Variants in SNED1 observed in about 807,000 individuals in gnomAD.
The protein encoded by SNED1 is sushi, nidogen and EGF like domains 1.
Under a neutral mutation model 166.7 loss-of-function variants are expected in SNED1, and 81 were observed. The ratio of observed to expected loss-of-function variants is 0.49; its 90% confidence interval spans 0.41 to 0.58. SNED1 has a LOEUF of 0.58. SNED1 is among the 20% of genes least tolerant of loss of function. The pLI is 0.00. For synonymous variants in SNED1, 762 were observed against 822.0 expected (o/e 0.93, Z 1.25); for missense variants, 1,604 against 2,000.2 (o/e 0.80, Z 3.78).
Position 241,081,689 on chromosome 2 carries a change from A to G in SNED1, c.3929A>G (p.Asn1310Ser), listed in dbSNP as rs1392024950. The G allele has an allele frequency of 1.9e-6, 3 of 1,604,932 alleles. No homozygotes were observed. In the Admixed American group the frequency reaches 5.1e-5, roughly 27 times the overall value. ...GSKDIGNVPG[N>S]CSENPCQNGG... ...CCTCTGTTTCCAGACGTCCCTGGCAACTGTTCAGAAAACCCCTGTCAGAAC... is the reference window on the plus strand; with the variant it reads ...CCTCTGTTTCCAGACGTCCCTGGCAGCTGTTCAGAAAACCCCTGTCAGAAC... The change falls in exon 28 of 32, where the codon AAC becomes AGC. Residue 1310 changes from asparagine to serine, a missense_variant. Coordinates refer to ENST00000310397, the MANE Select transcript of SNED1 (RefSeq NM_001080437.3).
At position 241,068,277 on chromosome 2, in the gene SNED1, G is replaced by A. The variant is rs1026480397; in HGVS notation, c.3194+330G>A. 6.6e-5 allele frequency among the ~76,000 whole-genome samples: 10 copies of A among 151,970 alleles called. No individual in the cohort carries two copies. The highest frequency in any genetic ancestry group is 3.2e-3 in the Middle Eastern group (1 of 316). ...GGCCCCTCAGAGAGCAGCGGCCAGCGAGGGTAGATGGTAGCAGCCCCGAGC... is the reference window on the plus strand; with the variant it reads ...GGCCCCTCAGAGAGCAGCGGCCAGCAAGGGTAGATGGTAGCAGCCCCGAGC... On this transcript the variant is annotated intron_variant, in intron 22 of 31. Coordinates refer to ENST00000310397, the MANE Select transcript of SNED1 (RefSeq NM_001080437.3). This position sits in a 1 kb window ranked among gnomAD's most constrained non-coding sequence, Gnocchi z 5.3.
chr2:241,073,477 T>TC lies in SNED1; in HGVS notation c.3916+113_3916+114insC. 3.4e-6 allele frequency: 3 copies of TC among 872,318 alleles called. No individual in the cohort carries two copies. The highest frequency in any genetic ancestry group is 5.6e-6 in the Non-Finnish European group (3 of 531,550). The allele number at this position is 872,318 out of a possible 1,614,324, so 54.0% of individuals were successfully genotyped here. On this transcript the variant is annotated intron_variant, in intron 27 of 31. Transcript: ENST00000310397. This position sits in a 1 kb window ranked among gnomAD's most constrained non-coding sequence, Gnocchi z 6.6. ...GTGAGGAATCAGGAGGCACAGAGCC[T>TC]ACCTGAGGGGAGGCTGAGCACCAGG... is the stretch of plus-strand genomic sequence containing the variant.
At chr2:241,011,983 G>A (rs1034866024) in intron 1 of SNED1, among the ~76,000 whole-genome samples, 1 of 152,228 alleles carries the variant, frequency 6.6e-6, no homozygotes, top group African/African-American at 2.4e-5. Context: ...TGGGGAGAGA[G>A]GAAAGCTGGA....
chr2:241,007,843 T>C (rs1314909086), intron 1 of SNED1, among the ~76,000 whole-genome samples: 2 of 152,244 alleles, frequency 1.3e-5, no homozygotes, highest in East Asian at 1.9e-4. Context: ...CCGCTAGTTA[T>C]TGGCTCTGTG....
chr2:241,089,326 A>G (rs1062748), intron 31 of SNED1: 314,709 of 1,550,260 alleles, frequency 0.2, 32,983 homozygotes, highest in Middle Eastern at 0.26. Context: ...ACCCTTGGGT[A>G]ACAAGCCACT....
At chr2:241,035,891 C>T (rs1574947018) in intron 4 of SNED1, among the ~76,000 whole-genome samples, 1 of 70,130 alleles carries the variant, frequency 1.4e-5, no homozygotes, top group Admixed American at 1.5e-4. Context: ...GGGGGCGTGC[C>T]ATGGGGTGGG....
chr2:241,073,327 C>T lies in SNED1; in HGVS notation c.3879C>T (p.Ala1293=). ...MEEAPKRVSL[A]LQLPEHGSKD... is the part of the protein sequence containing the mutation. ...AAGCCCCCAAGCGGGTCAGCCTGGCCCTCCAGCTCCCTGAACACGGCAGCA... is the reference window on the plus strand; with the variant it reads ...AAGCCCCCAAGCGGGTCAGCCTGGCTCTCCAGCTCCCTGAACACGGCAGCA... Residue 1293 remains alanine (A), a synonymous_variant, in exon 27 of 32, where the codon GCC becomes GCT. Transcript: ENST00000310397. The surrounding 1 kb of genome is among the most constrained non-coding windows in gnomAD (Gnocchi z 6.6). 1 of 1,573,952 alleles carries T rather than the reference C, an allele frequency of 6.4e-7. No homozygotes were observed. The highest frequency in any genetic ancestry group is 8.6e-7 in the Non-Finnish European group (1 of 1,160,960).
intron 1 of SNED1, among the ~76,000 whole-genome samples, chr2:241,006,203 A>T (rs1006060422): frequency 1.3e-5 from 2 of 151,756 alleles, no homozygotes; most frequent in Non-Finnish European, 2.9e-5. Context: ...TGTTTGTTTC[A>T]TCTATTTCAC....
In SNED1 at chr2:241,071,909, G is replaced by A. The variant is rs747352785; in HGVS notation, c.3817+31G>A. On this transcript the variant is annotated intron_variant, in intron 26 of 31. Transcript: ENST00000310397. ...TGCCAGGGCCTCCCCACCCACCTTG[G>A]TGGCCCACCCTCGTCCTCACTGCCA... 72 of 1,551,898 alleles carry A rather than the reference G, an allele frequency of 4.6e-5. 2 individuals are homozygous for A. The South Asian group carries it at 7.9e-4, about 17-fold the overall frequency.
intron 1 of SNED1, chr2:241,016,015 A>G (rs1375593463): frequency 6.6e-6 from 1 of 152,088 alleles, no homozygotes; most frequent in Admixed American, 6.6e-5. Flanking sequence ...TTTCTCCTTT[A>G]ATCTGTTAAA....
At chr2:241,090,965 A>G (rs1022392671) in intron 31 of SNED1, among the ~76,000 whole-genome samples, 3 of 152,178 alleles carry the variant, frequency 2.0e-5, no homozygotes, top group Non-Finnish European at 4.4e-5. Flanking sequence ...GCGGTCCTTC[A>G]TCGTGCAGTG....
chr2:241,006,897 A>G (rs11888015), intron 1 of SNED1, among the ~76,000 whole-genome samples: 13,579 of 152,206 alleles, frequency 0.089, 1,416 homozygotes, highest in East Asian at 0.32. Flanking sequence ...AAGTAAGGAA[A>G]CACTAGGAGA....
At chr2:241,024,637 C>G (rs1328010854) in intron 1 of SNED1, among the ~76,000 whole-genome samples, 2 of 89,720 alleles carry the variant, frequency 2.2e-5, no homozygotes, top group African/African-American at 1.0e-4. Context: ...ATATTTTAAT[C>G]ATGCCTTATT....
chr2:241,057,653 C>T (rs1367915146), intron 16 of SNED1, among the ~76,000 whole-genome samples: 1 of 151,928 alleles, frequency 6.6e-6, no homozygotes, highest in African/African-American at 2.4e-5. Context: ...CACTGCCCTC[C>T]AGCCTGGGTG....
At chr2:241,088,148 A>G in intron 30 of SNED1, 1 of 550,864 alleles carries the variant, frequency 1.8e-6, no homozygotes, top group Non-Finnish European at 3.2e-6. Context: ...CCAGGTTTCT[A>G]GCCTTGTCAT....
At position 241,037,006 on chromosome 2, in the gene SNED1, G is replaced by A. The variant is rs1228560258; in HGVS notation, c.931+91G>A. 12 of 1,470,312 alleles carry A rather than the reference G, an allele frequency of 8.2e-6. No homozygotes were observed. In the Admixed American group the frequency reaches 2.3e-4, roughly 28 times the overall value. The allele number at this position is 1,470,312 out of a possible 1,614,324, so 91.1% of individuals were successfully genotyped here. On this transcript the variant is annotated intron_variant, in intron 5 of 31. Coordinates refer to ENST00000310397, the MANE Select transcript of SNED1 (RefSeq NM_001080437.3). The stretch of plus-strand genomic sequence containing the variant: ...CTCCGCCAGTGGCCCTGGGCGCCCA[G>A]GGTCCCAGGTCAGGAGTCTCTGTCC...
At chr2:241,077,319 T>C (rs2063074117) in intron 27 of SNED1, among the ~76,000 whole-genome samples, 1 of 152,156 alleles carries the variant, frequency 6.6e-6, no homozygotes, top group Admixed American at 6.5e-5. Flanking sequence ...ACCAAAACTC[T>C]TAGAAGAAAA....
chr2:241,076,741 G>A lies in SNED1; in HGVS notation c.3916+3377G>A, dbSNP rs1175929236. On this transcript the variant is annotated intron_variant, in intron 27 of 31. Coordinates refer to ENST00000310397, the MANE Select transcript of SNED1 (RefSeq NM_001080437.3). ...GATAGGCATTTAGATCAGTGGAAAA[G>A]AACTGAGAGTCCAGGGCCGGGCGCG... Among the ~76,000 whole-genome samples the A allele has an allele frequency of 2.6e-5, 4 of 152,082 alleles. No homozygotes were observed. In the East Asian group the frequency reaches 7.8e-4, roughly 30 times the overall value.
At chr2:241,032,201 T>G (rs1281880424) in intron 2 of SNED1, among the ~76,000 whole-genome samples, 1 of 151,976 alleles carries the variant, frequency 6.6e-6, no homozygotes, top group Non-Finnish European at 1.5e-5. Flanking sequence ...AATACCGAAG[T>G]CAGCCGGGTG....
Sources: allele counts gnomAD v4.1 joint callset (sites outside exome capture counted in the v4.1 genomes callset), GRCh38; gene constraint gnomAD v4.1.1; non-coding constraint Gnocchi (gnomAD v3.1); transcripts MANE v1.5; gene names NCBI Gene and HGNC (gene_info 2026-07-23, HGNC 2026-07-21).